Variants in CPNE4 observed in about 807,000 individuals in gnomAD.
The protein encoded by CPNE4 is copine 4, also known as copine-4.
Under a neutral mutation model 67.9 loss-of-function variants are expected in CPNE4, and 25 were observed. The observed-to-expected ratio is 0.37, with a 90% CI of 0.27 to 0.51. The LOEUF (loss-of-function observed/expected upper bound fraction) is 0.51, where lower values mean the gene tolerates loss of function less well. Among genes scored for constraint, CPNE4 ranks in the 20% least tolerant of loss-of-function variants. CPNE4 has a pLI of 0.93. For synonymous variants in CPNE4, 242 were observed against 244.9 expected, an observed-to-expected ratio of 0.99 and a Z score of 0.11; for missense variants, 464 against 690.8, an observed-to-expected ratio of 0.67 and a Z score of 3.68.
chr3:131,682,303 G>C (rs2080779276), intron 6 of CPNE4, among the ~76,000 whole-genome samples: 1 of 152,128 alleles, frequency 6.6e-6, no homozygotes, highest in Admixed American at 6.5e-5. Context: ...TATTCAAAGG[G>C]ATTTGGGTGT....
chr3:131,882,968 C>T (rs1405779182), intron 2 of CPNE4, among the ~76,000 whole-genome samples: 2 of 152,072 alleles, frequency 1.3e-5, no homozygotes, highest in Non-Finnish European at 2.9e-5. Context: ...CCGTCTGACT[C>T]GGGCTCCCAA....
chr3:131,689,299 C>T (rs1393560), intron 5 of CPNE4, among the ~76,000 whole-genome samples: 124,742 of 152,100 alleles, frequency 0.82, 51,434 homozygotes, highest in Middle Eastern at 0.91. Context: ...GCCTGGTACA[C>T]GGTGAAGACT....
chr3:131,963,770 G>A (rs977330006), intron 1 of CPNE4, among the ~76,000 whole-genome samples: 1 of 152,196 alleles, frequency 6.6e-6, no homozygotes, highest in Non-Finnish European at 1.5e-5. Context: ...ATCTCCCTGG[G>A]ACAGAGCAGC....
chr3:131,832,051 C>T (rs1005182568), intron 2 of CPNE4, among the ~76,000 whole-genome samples: 1 of 152,160 alleles, frequency 6.6e-6, no homozygotes, highest in African/African-American at 2.4e-5. Context: ...TCATTCAGGT[C>T]AACATGAGTT....
chr3:131,780,310 C>T (rs2083400383), intron 2 of CPNE4, among the ~76,000 whole-genome samples: 1 of 152,062 alleles, frequency 6.6e-6, no homozygotes, highest in African/African-American at 2.4e-5. Flanking sequence ...ACTTTTCAAC[C>T]TAGCAATCCT....
chr3:131,592,192 T>C (rs1938572053), intron 7 of CPNE4, among the ~76,000 whole-genome samples: 1 of 152,180 alleles, frequency 6.6e-6, no homozygotes, highest in South Asian at 2.1e-4. Flanking sequence ...AGTTAAAAAG[T>C]ATATAGTGCG....
At chr3:131,990,639 A>T (rs2107649369) in intron 1 of CPNE4, among the ~76,000 whole-genome samples, 1 of 136,690 alleles carries the variant, frequency 7.3e-6, no homozygotes, top group African/African-American at 2.4e-5. Flanking sequence ...CTTTTACAAT[A>T]AAATAAATAC....
chr3:131,656,970 G>C (rs915918910), intron 7 of CPNE4, among the ~76,000 whole-genome samples: 2 of 152,172 alleles, frequency 1.3e-5, no homozygotes, highest in South Asian at 2.1e-4. Flanking sequence ...ACTTGAGCCT[G>C]TTAAGAAAAA....
intron 3 of CPNE4, among the ~76,000 whole-genome samples, chr3:131,711,454 G>A (rs2081554865): frequency 6.6e-6 from 1 of 152,088 alleles, no homozygotes; most frequent in Non-Finnish European, 1.5e-5. Flanking sequence ...TCTGATAACT[G>A]GCTTGAAAAC....
intron 10 of CPNE4, among the ~76,000 whole-genome samples, chr3:131,572,372 G>T (rs114885845): frequency 1.1e-3 from 167 of 152,202 alleles, no homozygotes; most frequent in African/African-American, 3.9e-3. Flanking sequence ...TCAGGACAGG[G>T]CACCTGACAG....
rs758666185 is a variant in CPNE4 at position 131,613,050 on chromosome 3, A to G, written c.682-25468T>C. ...CTGTCTTTCAGAGACATTTGGTTTG[A>G]ATGATCTGGTCTTGTCACAGCTTGG... On this transcript the variant is annotated intron_variant, in intron 7 of 15. Transcript: ENST00000429747. Among the ~76,000 whole-genome samples the G allele has an allele frequency of 2.0e-5, 3 of 152,176 alleles. No individual in the cohort carries two copies. The East Asian group carries it at 5.8e-4, about 29-fold the overall frequency.
At chr3:131,827,942 C>T (rs1379794821) in intron 2 of CPNE4, among the ~76,000 whole-genome samples, 1 of 151,948 alleles carries the variant, frequency 6.6e-6, no homozygotes, top group East Asian at 1.9e-4. Context: ...TTATGCTCTT[C>T]ACAAAGAGCA....
chr3:131,710,626 C>G (rs1244445927), intron 3 of CPNE4, among the ~76,000 whole-genome samples: 1 of 152,080 alleles, frequency 6.6e-6, no homozygotes, highest in East Asian at 1.9e-4. Context: ...TCAGTGTACT[C>G]TTTGGTGAAT....
chr3:131,864,414 T>C (rs1297547683), intron 2 of CPNE4, among the ~76,000 whole-genome samples: 4 of 152,212 alleles, frequency 2.6e-5, no homozygotes, highest in Non-Finnish European at 5.9e-5. Flanking sequence ...CTTGAAGAGG[T>C]CCTTCATGTT....
intron 1 of CPNE4, among the ~76,000 whole-genome samples, chr3:131,942,457 TGTGTGTGAGA>T (rs1430865583): frequency 2.4e-3 from 148 of 60,770 alleles, no homozygotes; most frequent in East Asian, 4.5e-3. Flanking sequence ...TGTGTGTGTG[TGTGTGTGAGA>T]GAGAGAGAGA....
At chr3:132,006,287 T>G (rs913323540) in intron 1 of CPNE4, among the ~76,000 whole-genome samples, 1 of 152,140 alleles carries the variant, frequency 6.6e-6, no homozygotes, top group East Asian at 1.9e-4. Flanking sequence ...ATAGGACATC[T>G]GAAGAGTTCA....
chr3:131,812,793 C>T (rs1009169289), intron 2 of CPNE4, among the ~76,000 whole-genome samples: 3 of 152,092 alleles, frequency 2.0e-5, no homozygotes, highest in Non-Finnish European at 2.9e-5. Flanking sequence ...CTGCAAAATA[C>T]GTACAGTGTT....
At chr3:131,893,438 T>G (rs1011143957) in intron 2 of CPNE4, among the ~76,000 whole-genome samples, 10 of 151,966 alleles carry the variant, frequency 6.6e-5, no homozygotes, top group African/African-American at 2.2e-4. Flanking sequence ...ATTTGACAGA[T>G]AAATATCAGA....
At chr3:132,030,286 A>G (rs2074209450) in intron 1 of CPNE4, among the ~76,000 whole-genome samples, 1 of 152,142 alleles carries the variant, frequency 6.6e-6, no homozygotes, top group African/African-American at 2.4e-5. Context: ...CACTTATTTG[A>G]GCTTTAGTTT....
Sources: gnomAD v4.1 joint callset for allele counts (sites outside exome capture counted in the v4.1 genomes callset) on GRCh38, gnomAD v4.1.1 for gene constraint, MANE v1.5 for transcripts, NCBI Gene and HGNC (gene_info 2026-07-23, HGNC 2026-07-21) for gene names.